Variants in DIP2C observed in about 807,000 individuals in gnomAD.
DIP2C encodes DIP2 acetate--CoA ligase C (putative).
In DIP2C, 33 loss-of-function variants were observed where a neutral mutation model predicts 192.4. The observed-to-expected ratio is 0.17, with a 90% CI of 0.13 to 0.23. The LOEUF (loss-of-function observed/expected upper bound fraction) is 0.23. DIP2C is among the 10% of genes least tolerant of loss of function. The probability of loss-of-function intolerance (pLI) is 1.00; values close to 1 mark genes in which losing one functional copy is unlikely to be tolerated. For missense variants in DIP2C, 1,537 were observed against 2,110.1 expected, an observed-to-expected ratio of 0.73 and a Z score of 5.32; for synonymous variants, 979 against 864.1, an observed-to-expected ratio of 1.13 and a Z score of -2.33.
chr10:416,008 C>G, intron 6 of DIP2C, 120 bp from the exon 7 acceptor site: 1 of 1,472,986 alleles, frequency 6.8e-7, no homozygotes, highest in Non-Finnish European at 9.2e-7. Flanking sequence ...ATCCTAGATG[C>G]GATCCTGGGA....
chr10:403,818 C>T (rs1448865238), intron 9 of DIP2C, among the ~76,000 whole-genome samples: 17 of 121,054 alleles, frequency 1.4e-4, no homozygotes, highest in South Asian at 3.2e-4. Flanking sequence ...AAGTTTGGTA[C>T]GTTTTCATCA....
Position 417,784 on chromosome 10 carries a change from TCGGATAGGCC to T in DIP2C, c.739+1271_739+1280del, listed in dbSNP as rs1965803027. On this transcript the variant is annotated intron_variant, in intron 6 of 36. Coordinates refer to ENST00000280886, the MANE Select transcript of DIP2C (RefSeq NM_014974.3). ...CCTGTCCACCTGCACCTGTCAGGGC[TCGGATAGGCC>T]TCCCTGTCCACCTGTTCCTGTCAGG... 5.2e-4 allele frequency among the ~76,000 whole-genome samples: 23 copies of T among 44,154 alleles called. 3 individuals are homozygous for T. Among genetic ancestry groups the T allele is most frequent in the Admixed American group, 8.9e-4 (4 of 4,510 alleles). The allele number at this position is 44,154 out of a possible 152,430, so 29.0% of individuals were successfully genotyped here. A position where few individuals can be genotyped will look rare whatever the true frequency, so the allele number is the denominator to read the frequency against.
chr10:466,722 A>G (rs906128032), intron 3 of DIP2C, among the ~76,000 whole-genome samples: 3 of 151,884 alleles, frequency 2.0e-5, no homozygotes, highest in Non-Finnish European at 4.4e-5. Flanking sequence ...AAAAGTGGGC[A>G]AAGGACATGA....
At chr10:305,953 G>A (rs35610094) in intron 32 of DIP2C, among the ~76,000 whole-genome samples, 1,719 of 137,954 alleles carry the variant, frequency 0.012, 29 homozygotes, top group Middle Eastern at 0.038. Flanking sequence ...CCTTAAAACC[G>A]CATCTTCAAA....
chr10:453,085 C>T (rs1009300766), intron 3 of DIP2C, among the ~76,000 whole-genome samples: 4 of 152,226 alleles, frequency 2.6e-5, no homozygotes, highest in Admixed American at 6.5e-5. Context: ...GAAAATATAA[C>T]ATGGGTAAAC....
intron 1 of DIP2C, among the ~76,000 whole-genome samples, chr10:591,483 C>T (rs1242906357): frequency 6.6e-6 from 1 of 152,196 alleles, no homozygotes; most frequent in African/African-American, 2.4e-5. Context: ...TTGTTAAAAA[C>T]CAGTTATATG....
At chr10:641,945 C>A (rs1035133221) in intron 1 of DIP2C, among the ~76,000 whole-genome samples, 12 of 152,022 alleles carry the variant, frequency 7.9e-5, no homozygotes, top group Non-Finnish European at 1.6e-4. Context: ...ATCACCTGAG[C>A]CCAGGAGGCA....
intron 3 of DIP2C, among the ~76,000 whole-genome samples, chr10:448,673 T>C (rs1419436690): frequency 7.3e-6 from 1 of 137,614 alleles, no homozygotes. Context: ...CTCACCCCTG[T>C]CGATATTCAG....
At chr10:592,509 C>G (rs918380331) in intron 1 of DIP2C, among the ~76,000 whole-genome samples, 2 of 151,514 alleles carry the variant, frequency 1.3e-5, no homozygotes, top group Non-Finnish European at 2.9e-5. Context: ...CAGGTACCAA[C>G]TAGCATAAAG....
At chr10:279,776 G>C (rs1954716249) in intron 36 of DIP2C, among the ~76,000 whole-genome samples, 1 of 152,214 alleles carries the variant, frequency 6.6e-6, no homozygotes, top group African/African-American at 2.4e-5. Flanking sequence ...GACCCGGTGA[G>C]GGACAGATCC....
intron 1 of DIP2C, among the ~76,000 whole-genome samples, chr10:619,162 C>T (rs1228213343): frequency 6.6e-6 from 1 of 152,150 alleles, no homozygotes; most frequent in Non-Finnish European, 1.5e-5. Context: ...ACACTGATGC[C>T]GTCCCCCTAA....
chr10:387,064 T>A (rs1016436753), intron 14 of DIP2C, among the ~76,000 whole-genome samples: 1 of 152,008 alleles, frequency 6.6e-6, no homozygotes, highest in Non-Finnish European at 1.5e-5. Flanking sequence ...AGTAACACAA[T>A]AGCAGGCCCC....
Position 484,741 on chromosome 10 carries a change from A to AC in DIP2C, c.157+1717dup, listed in dbSNP as rs1843874549. 1.9e-6 allele frequency: 3 copies of AC among 1,598,890 alleles called. No homozygotes were observed. In the South Asian group the frequency reaches 3.4e-5, roughly 18 times the overall value. ...GGCGGGTGGCCCTTTTCTAATGTGT[A>AC]CCCTGCTGTGGGGCTGGCTCTCAGC... On this transcript the variant is annotated intron_variant, in intron 2 of 36. Transcript: ENST00000280886.
intron 3 of DIP2C, among the ~76,000 whole-genome samples, chr10:444,880 C>G (rs1471594699): frequency 2.0e-5 from 3 of 152,266 alleles, no homozygotes; most frequent in African/African-American, 7.2e-5. Context: ...AGAATTTACT[C>G]TGGAGATAAT....
chr10:507,467 G>T (rs2050969), intron 1 of DIP2C, among the ~76,000 whole-genome samples: 61,602 of 150,222 alleles, frequency 0.41, 13,976 homozygotes, highest in East Asian at 0.66. Context: ...GTGAGGTTAC[G>T]GACTTGGTCA....
intron 2 of DIP2C, among the ~76,000 whole-genome samples, chr10:483,079 C>G (rs138943281): frequency 1.7e-4 from 26 of 152,352 alleles, no homozygotes; most frequent in African/African-American, 6.3e-4. Flanking sequence ...GAGGCCCCGA[C>G]AGACGCTGCC....
intron 1 of DIP2C, among the ~76,000 whole-genome samples, chr10:658,893 G>A (rs1352200495): frequency 6.6e-6 from 1 of 152,144 alleles, no homozygotes; most frequent in Non-Finnish European, 1.5e-5. Context: ...ACTCTCTCCA[G>A]GAACATGGCC....
At chr10:541,880 C>CT (rs1031321291) in intron 1 of DIP2C, among the ~76,000 whole-genome samples, 17 of 152,196 alleles carry the variant, frequency 1.1e-4, no homozygotes, top group Admixed American at 6.5e-4. Context: ...CTCGGCCCCC[C>CT]TCACCTCACT....
In DIP2C at chr10:320,957, G is replaced by A. The variant is rs79013128; in HGVS notation, c.3924+6049C>T. On this transcript the variant is annotated intron_variant, in intron 31 of 36. Coordinates refer to ENST00000280886, the MANE Select transcript of DIP2C (RefSeq NM_014974.3). ...AAGGCCCCATGGAGGGGACCCGGGC[G>A]GAGCAGGATGAGGGCAGAGGAGAGT... Among the ~76,000 whole-genome samples, 1,366 of 152,288 alleles carry A rather than the reference G, an allele frequency of 9.0e-3. 17 individuals are homozygous for A. Among genetic ancestry groups the A allele is most frequent in the African/African-American group, 0.03 (1,249 of 41,556 alleles).
Sources: allele counts gnomAD v4.1 joint callset (sites outside exome capture counted in the v4.1 genomes callset), GRCh38; gene constraint gnomAD v4.1.1; transcripts MANE v1.5; gene names NCBI Gene and HGNC (gene_info 2026-07-23, HGNC 2026-07-21).